Variants in CTNND1 observed in about 807,000 individuals in gnomAD.
The protein encoded by CTNND1 is catenin delta-1.
CTNND1 carries 16 observed loss-of-function variants against 112.1 expected under a neutral mutation model. The ratio of observed to expected loss-of-function variants is 0.14; its 90% CI spans 0.10 to 0.22. The LOEUF (loss-of-function observed/expected upper bound fraction) is 0.22, where lower values mean the gene tolerates loss of function less well. CTNND1 is among the 10% of genes least tolerant of loss of function. The probability of loss-of-function intolerance (pLI) is 1.00; values close to 1 mark genes in which losing one functional copy is unlikely to be tolerated. For synonymous variants in CTNND1, 420 were observed against 446.5 expected (o/e 0.94, Z 0.75); for missense variants, 1,008 against 1,257.0 (o/e 0.80, Z 3.00).
intron 5 of CTNND1, 102 bp from the exon 6 acceptor site, chr11:57,796,355 C>A: frequency 8.7e-7 from 1 of 1,152,804 alleles, no homozygotes; most frequent in Non-Finnish European, 1.2e-6. Context: ...CCATTGCACT[C>A]CAGCCAGGGC....
At chr11:57,800,576 G>A (rs1332203868) in intron 6 of CTNND1, among the ~76,000 whole-genome samples, 9 of 152,180 alleles carry the variant, frequency 5.9e-5, no homozygotes, top group East Asian at 1.9e-4. Flanking sequence ...TCCTGTTTCC[G>A]TGTTATTTTA....
intron 14 of CTNND1, 150 bp downstream of exon 14, chr11:57,808,690 G>C: frequency 1.5e-6 from 1 of 688,266 alleles, no homozygotes. Context: ...GTTGGTAAGG[G>C]TTTTAGTTTA....
Position 57,796,544 on chromosome 11 carries a change from G to A in CTNND1, c.508G>A (p.Val170Ile), listed in dbSNP as rs2061384136. 2 of 1,613,908 alleles carry A rather than the reference G, an allele frequency of 1.2e-6. No individual in the cohort carries two copies. Among genetic ancestry groups the A allele is most frequent in the East Asian group, 4.5e-5 (2 of 44,898 alleles). Residue 170 changes from valine to isoleucine, a missense_variant, in exon 6 of 21, where the codon GTT (valine) becomes ATT (isoleucine). By Grantham distance (29) the Val-to-Ile change is conservative. This residue lies in a region of CTNND1 where 404 missense variants were observed against 457.9 expected (regional missense o/e 0.88). Transcript: ENST00000399050. ...PDGLPVDASS[V>I]SNNYIQTLGR... The stretch of plus-strand genomic sequence containing the variant: ...CGGGTTGCCTGTGGATGCTTCATCA[G>A]TTTCTAACAACTATATCCAGACTTT...
At position 57,808,450 on chromosome 11, in the gene CTNND1, C is replaced by A; in HGVS notation, c.2152C>A (p.Leu718Ile). 1.2e-6 allele frequency: 2 copies of A among 1,613,332 alleles called. No individual in the cohort carries two copies. The highest frequency in any genetic ancestry group is 8.5e-7 in the Non-Finnish European group (1 of 1,179,532). ...QEKALSAIAD[L>I]LTNEHERVVK... ...GAAGGCTCTTTCTGCCATAGCTGAC[C>A]TCCTGACTAATGAACATGAACGGGT... is the stretch of plus-strand genomic sequence containing the variant. Residue 718 changes from leucine to isoleucine, a missense_variant, in exon 14 of 21, where the codon CTC (leucine) becomes ATC (isoleucine). Physicochemically the swap from Leu to Ile is conservative, Grantham distance 5. This residue lies in a region of CTNND1 where 254 missense variants were observed against 279.5 expected (regional missense o/e 0.91). Transcript: ENST00000399050.
intron 6 of CTNND1, among the ~76,000 whole-genome samples, chr11:57,798,916 G>T (rs1452639160): frequency 1.3e-5 from 2 of 152,172 alleles, no homozygotes; most frequent in African/African-American, 2.4e-5. Flanking sequence ...ATTAGAAACA[G>T]TGTTTTCCAG....
intron 2 of CTNND1, among the ~76,000 whole-genome samples, chr11:57,790,559 T>G (rs1237958333): frequency 1.1e-4 from 15 of 139,222 alleles, no homozygotes; most frequent in Non-Finnish European, 2.0e-4. Flanking sequence ...TGTGTTTTTT[T>G]TTTTTTTTTT....
At chr11:57,813,858 A>C (rs2137623697) in intron 17 of CTNND1, 1 of 152,642 alleles carries the variant, frequency 6.6e-6, no homozygotes, top group Admixed American at 6.5e-5. Context: ...TTTACCATTA[A>C]GTGAAATAGA....
intron 1 of CTNND1, among the ~76,000 whole-genome samples, chr11:57,771,028 C>T (rs1443214833): frequency 6.6e-6 from 1 of 151,944 alleles, no homozygotes; most frequent in Non-Finnish European, 1.5e-5. Flanking sequence ...GGATGTCTAC[C>T]GTGCTGAAGG....
chr11:57,814,057 G>A lies in CTNND1; in HGVS notation c.2639-254G>A, dbSNP rs2063674489. 3 of 418,552 alleles carry A rather than the reference G, an allele frequency of 7.2e-6. No individual in the cohort carries two copies. The South Asian group carries it at 8.5e-5, about 12-fold the overall frequency. 25.9% of individuals were successfully genotyped at this position (418,552 alleles called of 1,614,324 possible). ...GGGCCAGGTGTGATGGCTCACACCT[G>A]TAATCCCAGTACTTTGGGAGACTGA... On this transcript the variant is annotated intron_variant, in intron 17 of 20. Coordinates refer to ENST00000399050, the MANE Select transcript of CTNND1 (RefSeq NM_001085458.2).
intron 19 of CTNND1, 106 bp downstream of exon 19, chr11:57,815,606 T>C (rs1245135797): frequency 3.9e-6 from 4 of 1,016,800 alleles, no homozygotes; most frequent in Non-Finnish European, 6.2e-6. Flanking sequence ...CGCATCCTTT[T>C]CTGGTAGGGG....
chr11:57,800,918 T>C (rs994504713), intron 6 of CTNND1, among the ~76,000 whole-genome samples: 1 of 152,248 alleles, frequency 6.6e-6, no homozygotes, highest in Non-Finnish European at 1.5e-5. Flanking sequence ...GTTTGATTTT[T>C]CTTACTTTCA....
chr11:57,771,620 AT>A (rs774036643), intron 1 of CTNND1, among the ~76,000 whole-genome samples: 109 of 152,302 alleles, frequency 7.2e-4, no homozygotes, highest in Admixed American at 1.4e-3. Flanking sequence ...ATGGGAATGT[AT>A]TTTGGGGGAA....
At chr11:57,803,865 A>G in intron 8 of CTNND1, 61 bp downstream of exon 8, 1 of 410,872 alleles carries the variant, frequency 2.4e-6, no homozygotes, top group South Asian at 6.7e-5. Context: ...TAAATTTCCT[A>G]AAAAAAAAAA....
intron 3 of CTNND1, among the ~76,000 whole-genome samples, chr11:57,791,980 ACTTTT>A (rs11570186): frequency 0.025 from 3,747 of 152,160 alleles, 154 homozygotes; most frequent in African/African-American, 0.086. Flanking sequence ...TACTCAAGTT[ACTTTT>A]CTTTTCTGAT....
chr11:57,792,612 C>T (rs918481482), intron 3 of CTNND1, among the ~76,000 whole-genome samples: 12 of 152,278 alleles, frequency 7.9e-5, no homozygotes, highest in Non-Finnish European at 1.5e-4. Context: ...CTCACTGCAA[C>T]GTTCGCCTCC....
chr11:57,808,583 G>A lies in CTNND1; in HGVS notation c.2242+43G>A, dbSNP rs372015752. ...AACTGTTACCTCAAAATTTAGTACA[G>A]TGTTTGTAGTCCAGCAGGTGCCTAA... On this transcript the variant is annotated intron_variant, in intron 14 of 20. Transcript: ENST00000399050. 7 of 1,508,722 alleles carry A rather than the reference G, an allele frequency of 4.6e-6. No individual in the cohort carries two copies. The African/African-American group carries it at 8.4e-5, about 18-fold the overall frequency. The allele number at this position is 1,508,722 out of a possible 1,614,324, so 93.5% of individuals were successfully genotyped here.
In CTNND1 at chr11:57,814,342, G is replaced by A. The variant is rs771128922; in HGVS notation, c.2670G>A (p.Met890Ile). 2 of 1,611,858 alleles carry A rather than the reference G, an allele frequency of 1.2e-6. No individual in the cohort carries two copies. Among genetic ancestry groups the A allele is most frequent in the Non-Finnish European group, 1.7e-6 (2 of 1,178,940 alleles). The stretch of plus-strand genomic sequence containing the variant: ...AACCTGATCGGGAAGAAATTCAGAT[G>A]AGCAATATGGGATCAAACACAAAAT... The part of the protein sequence containing the change: ...DKKPDREEIQ[M>I]SNMGSNTKSL... The change falls in exon 18 of 21, where the codon ATG becomes ATA. Residue 890 changes from methionine (M) to isoleucine (I), a missense_variant. Coordinates refer to ENST00000399050, the MANE Select transcript of CTNND1 (RefSeq NM_001085458.2).
chr11:57,808,242 C>T lies in CTNND1; in HGVS notation c.2041C>T (p.Leu681=). The change falls in exon 13 of 21, where the codon CTA becomes TTA. Residue 681 remains leucine (L), a synonymous_variant. Coordinates refer to ENST00000399050, the MANE Select transcript of CTNND1 (RefSeq NM_001085458.2). The part of the protein sequence containing the change: ...LLKESKTPAI[L]EASAGAIQNL... ...TAAGGAGAGCAAGACTCCTGCCATC[C>T]TAGAAGCCTCAGCTGGAGCTATCCA... The T allele has an allele frequency of 6.2e-7, 1 of 1,613,908 alleles. No individual in the cohort carries two copies. Among genetic ancestry groups the T allele is most frequent in the Non-Finnish European group, 8.5e-7 (1 of 1,179,802 alleles).
intron 1 of CTNND1, among the ~76,000 whole-genome samples, chr11:57,762,502 TC>T (rs1950072701): frequency 6.6e-6 from 1 of 152,236 alleles, no homozygotes. Flanking sequence ...CGATGGTTCT[TC>T]ATATGTTTAA....
Sources: gnomAD v4.1 joint callset for allele counts (sites outside exome capture counted in the v4.1 genomes callset) on GRCh38, gnomAD v4.1.1 for gene constraint, gnomAD v4.1.1 regional missense constraint, MANE v1.5 for transcripts, NCBI Gene and HGNC (gene_info 2026-07-23, HGNC 2026-07-21) for gene names.